Variants in CLYBL observed in about 807,000 individuals in gnomAD.
CLYBL encodes citramalyl-CoA lyase, mitochondrial.
Under a neutral mutation model 38.9 loss-of-function variants are expected in CLYBL, and 31 were observed. The ratio of observed to expected loss-of-function variants is 0.80; its 90% CI spans 0.60 to 1.08. CLYBL has a LOEUF of 1.08. CLYBL is among the 50% of genes least tolerant of loss of function. The pLI is 0.00. For missense variants in CLYBL, 434 were observed against 411.6 expected (o/e 1.05, Z -0.47); for synonymous variants, 171 against 158.6 (o/e 1.08, Z -0.59).
intron 2 of CLYBL, among the ~76,000 whole-genome samples, chr13:99,780,888 A>G (rs1051600016): frequency 2.0e-5 from 3 of 147,586 alleles, no homozygotes; most frequent in African/African-American, 7.5e-5. Context: ...TCATTTTTGT[A>G]TTATTAGTAG....
At chr13:99,734,464 G>C (rs1220120084) in intron 1 of CLYBL, among the ~76,000 whole-genome samples, 1 of 151,718 alleles carries the variant, frequency 6.6e-6, no homozygotes. Flanking sequence ...ATACCAAACT[G>C]ACTTTCCTTT....
chr13:99,805,418 C>T (rs573930225), intron 2 of CLYBL, among the ~76,000 whole-genome samples: 78 of 151,854 alleles, frequency 5.1e-4, no homozygotes, highest in Non-Finnish European at 7.5e-4. Context: ...AGTCAGAAAG[C>T]GTGAGTGTCC....
At chr13:99,713,637 G>A (rs2048269030) in intron 1 of CLYBL, among the ~76,000 whole-genome samples, 1 of 151,828 alleles carries the variant, frequency 6.6e-6, no homozygotes. Flanking sequence ...ACCATGTCTG[G>A]CCTCAAATTT....
chr13:99,623,282 T>C (rs2139209747), intron 1 of CLYBL, among the ~76,000 whole-genome samples: 1 of 152,352 alleles, frequency 6.6e-6, no homozygotes, highest in African/African-American at 2.4e-5. Flanking sequence ...TCCATTGTTT[T>C]TATTGCAGCC....
intron 7 of CLYBL, among the ~76,000 whole-genome samples, chr13:99,890,319 G>C (rs2052457048): frequency 6.6e-6 from 1 of 152,060 alleles, no homozygotes; most frequent in Non-Finnish European, 1.5e-5. Flanking sequence ...ACAGGGCTTA[G>C]GTTACTTGAC....
chr13:99,883,476 G>A (rs2052268279), intron 7 of CLYBL, among the ~76,000 whole-genome samples: 1 of 150,264 alleles, frequency 6.7e-6, no homozygotes, highest in Admixed American at 6.6e-5. Context: ...CCGAGATCAT[G>A]CCATTGCACT....
intron 1 of CLYBL, among the ~76,000 whole-genome samples, chr13:99,624,999 T>G (rs962801763): frequency 2.6e-5 from 4 of 152,226 alleles, no homozygotes; most frequent in African/African-American, 9.6e-5. Flanking sequence ...ATTACTGAAA[T>G]TAAGCATGAT....
chr13:99,852,688 CATCA>C (rs1257497842), intron 2 of CLYBL, among the ~76,000 whole-genome samples: 2 of 151,646 alleles, frequency 1.3e-5, no homozygotes, highest in African/African-American at 4.9e-5. Flanking sequence ...CCCATATACT[CATCA>C]ATCAGCTCCA....
At chr13:99,670,673 C>T (rs2047552771) in intron 1 of CLYBL, among the ~76,000 whole-genome samples, 1 of 152,156 alleles carries the variant, frequency 6.6e-6, no homozygotes, top group Admixed American at 6.5e-5. Flanking sequence ...AAAACAACAG[C>T]AACAACAAAA....
At chr13:99,754,217 C>A (rs969076072) in intron 1 of CLYBL, among the ~76,000 whole-genome samples, 8 of 151,266 alleles carry the variant, frequency 5.3e-5, no homozygotes, top group Non-Finnish European at 7.4e-5. Flanking sequence ...CGAGACCAGC[C>A]TGGTCAACAT....
chr13:99,891,648 A>G (rs1315547103), intron 8 of CLYBL: 6 of 453,484 alleles, frequency 1.3e-5, no homozygotes, highest in Non-Finnish European at 2.0e-5. Flanking sequence ...TTAGTGTATT[A>G]CGAATATGGG....
intron 2 of CLYBL, among the ~76,000 whole-genome samples, chr13:99,851,437 G>C (rs1311902733): frequency 6.6e-6 from 1 of 151,050 alleles, no homozygotes; most frequent in Non-Finnish European, 1.5e-5. Context: ...TAAGTAATTG[G>C]TGCCACATTG....
intron 2 of CLYBL, among the ~76,000 whole-genome samples, chr13:99,782,773 C>T (rs183023850): frequency 6.6e-6 from 1 of 152,040 alleles, no homozygotes; most frequent in Admixed American, 6.6e-5. Flanking sequence ...AGATTCATGT[C>T]TTTTATCCAT....
chr13:99,717,050 C>A (rs1399681884), intron 1 of CLYBL, among the ~76,000 whole-genome samples: 3 of 151,904 alleles, frequency 2.0e-5, no homozygotes, highest in African/African-American at 2.4e-5. Flanking sequence ...CTTGGCCTCG[C>A]AAAGAGCTGG....
intron 6 of CLYBL, among the ~76,000 whole-genome samples, chr13:99,870,170 C>T (rs1306177209): frequency 6.6e-6 from 1 of 152,020 alleles, no homozygotes; most frequent in Non-Finnish European, 1.5e-5. Flanking sequence ...AATACCCAGT[C>T]TTGATTCTAT....
At chr13:99,731,233 T>C (rs1387495986) in intron 1 of CLYBL, among the ~76,000 whole-genome samples, 3 of 151,938 alleles carry the variant, frequency 2.0e-5, no homozygotes, top group African/African-American at 4.8e-5. Flanking sequence ...ATGGTCAAAA[T>C]TGAAGTAGCA....
At chr13:99,814,506 T>G (rs1416600912) in intron 2 of CLYBL, among the ~76,000 whole-genome samples, 1 of 152,228 alleles carries the variant, frequency 6.6e-6, no homozygotes, top group Non-Finnish European at 1.5e-5. Flanking sequence ...GAGGATCGCT[T>G]GAGCCCAGGA....
rs1483368504 is a variant in CLYBL at position 99,606,765 on chromosome 13, C to T, written c.62+8C>T. 4.9e-6 allele frequency: 7 copies of T among 1,439,478 alleles called. No homozygotes were observed. The highest frequency in any genetic ancestry group is 1.4e-5 in the South Asian group (1 of 71,516). The allele number at this position is 1,439,478 out of a possible 1,614,324, so 89.2% of individuals were successfully genotyped here. ...GGCGGCGCTGCTGAGGCTGTGAGTG[C>T]AGGTCCCCGTTCCCCGCCTTCCCGG... On this transcript the variant is annotated splice_region_variant and intron_variant, in intron 1 of 8. Coordinates refer to ENST00000339105, the MANE Select transcript of CLYBL (RefSeq NM_206808.5).
intron 3 of CLYBL, among the ~76,000 whole-genome samples, chr13:99,861,232 GGGAGGA>G (rs371949801): frequency 1.4e-4 from 21 of 151,924 alleles, no homozygotes; most frequent in African/African-American, 3.9e-4. Context: ...AAGAAAGAGG[GGGAGGA>G]GGAGGAGGAG....
Sources: allele counts gnomAD v4.1 joint callset (sites outside exome capture counted in the v4.1 genomes callset), GRCh38; gene constraint gnomAD v4.1.1; transcripts MANE v1.5; gene names NCBI Gene and HGNC (gene_info 2026-07-23, HGNC 2026-07-21).